GRB14: variants seen among roughly 807,000 people sequenced by gnomAD.
The protein encoded by GRB14 is growth factor receptor-bound protein 14.
GRB14 carries 38 observed loss-of-function variants against 69.1 expected under a neutral mutation model. The ratio of observed to expected loss-of-function variants is 0.55; its 90% CI spans 0.42 to 0.72. GRB14 has a LOEUF of 0.72. Among genes scored for constraint, GRB14 ranks in the 30% least tolerant of loss-of-function variants. The pLI is 0.00. For missense variants in GRB14, 666 were observed against 666.1 expected, an observed-to-expected ratio of 1.00 and a Z score of 0.00; for synonymous variants, 247 against 241.3, an observed-to-expected ratio of 1.02 and a Z score of -0.22.
intron 2 of GRB14, among the ~76,000 whole-genome samples, chr2:164,613,635 G>A (rs1158321155): frequency 6.6e-6 from 1 of 152,220 alleles, no homozygotes; most frequent in Non-Finnish European, 1.5e-5. Context: ...TGGTATGTTT[G>A]TGGGAGAACA....
Position 164,621,107 on chromosome 2 carries a change from A to G in GRB14, c.191+12T>C. 1 of 1,245,994 alleles carries G rather than the reference A, an allele frequency of 8.0e-7. No individual in the cohort carries two copies. Among genetic ancestry groups the G allele is most frequent in the Non-Finnish European group, 1.0e-6 (1 of 988,338 alleles). The allele number at this position is 1,245,994 out of a possible 1,614,324, so 77.2% of individuals were successfully genotyped here. A position where few individuals can be genotyped will look rare whatever the true frequency, so the allele number is the denominator to read the frequency against. On this transcript the variant is annotated intron_variant, in intron 1 of 13. Transcript: ENST00000263915. This position sits in a 1 kb window ranked among gnomAD's most constrained non-coding sequence, Gnocchi z 6.0. The stretch of plus-strand genomic sequence containing the variant: ...GCCAGGACACTCCCCCGCGCCCTCC[A>G]GGGTTGCCTACCTGTCTGCAGCACA...
intron 3 of GRB14, among the ~76,000 whole-genome samples, chr2:164,527,865 AT>A (rs1331076317): frequency 6.6e-6 from 1 of 152,050 alleles, no homozygotes; most frequent in Non-Finnish European, 1.5e-5. Flanking sequence ...CGAAATTCCT[AT>A]TTTTATAAGA....
At chr2:164,569,347 T>C (rs1186782866) in intron 2 of GRB14, among the ~76,000 whole-genome samples, 1 of 152,068 alleles carries the variant, frequency 6.6e-6, no homozygotes, top group African/African-American at 2.4e-5. Context: ...AAATAAAAAA[T>C]GAAAGAAACA....
Position 164,509,668 on chromosome 2 carries a change from A to G in GRB14, c.817-816T>C, listed in dbSNP as rs183843063. On this transcript the variant is annotated intron_variant, in intron 6 of 13. Coordinates refer to ENST00000263915, the MANE Select transcript of GRB14 (RefSeq NM_004490.3). ...AGTGTGGTCTCAGACCAGCAGCATC[A>G]GTATCACCTGGGAGCTTGTTAGCAA... is the stretch of plus-strand genomic sequence containing the variant. Among the ~76,000 whole-genome samples, 12 of 152,174 alleles carry G rather than the reference A, an allele frequency of 7.9e-5. No individual in the cohort carries two copies. The East Asian group carries it at 2.3e-3, about 29-fold the overall frequency.
intron 2 of GRB14, among the ~76,000 whole-genome samples, chr2:164,556,954 G>A (rs1296722216): frequency 6.6e-6 from 1 of 152,124 alleles, no homozygotes; most frequent in East Asian, 1.9e-4. Flanking sequence ...AAATGGTAGT[G>A]TTGACACCTC....
chr2:164,519,010 A>G (rs566549317), intron 6 of GRB14, among the ~76,000 whole-genome samples: 1 of 152,304 alleles, frequency 6.6e-6, no homozygotes, highest in Non-Finnish European at 1.5e-5. Flanking sequence ...AATCACCCCT[A>G]TATCATTCTA....
In GRB14 at chr2:164,508,415, C is replaced by A. The variant is rs773758338; in HGVS notation, c.1023+40G>T. 5 of 1,487,318 alleles carry A rather than the reference C, an allele frequency of 3.4e-6. No homozygotes were observed. In the East Asian group the frequency reaches 9.1e-5, roughly 27 times the overall value. 92.1% of individuals were successfully genotyped at this position (1,487,318 alleles called of 1,614,324 possible). On this transcript the variant is annotated intron_variant, in intron 8 of 13. Transcript: ENST00000263915. ...GATATTTTCTAACTTTTATGGTACT[C>A]ACAGCAGTTAATAGAAATTCATGCC...
intron 3 of GRB14, among the ~76,000 whole-genome samples, chr2:164,532,080 G>A (rs1029222478): frequency 2.6e-5 from 4 of 152,132 alleles, no homozygotes; most frequent in Non-Finnish European, 5.9e-5. Flanking sequence ...GACAACAGTT[G>A]GATAAAAGTT....
rs983992635 is a variant in GRB14, at chr2:164,522,911, C to T, written c.679-794G>A. On this transcript the variant is annotated intron_variant, in intron 5 of 13. Coordinates refer to ENST00000263915, the MANE Select transcript of GRB14 (RefSeq NM_004490.3). ...CCCTTTGCCAATTCTAGGTGTGGCC[C>T]TTAACTAGCCTGGTGATTTTCGTGA... Among the ~76,000 whole-genome samples, 19 of 152,156 alleles carry T rather than the reference C, an allele frequency of 1.2e-4. No individual in the cohort carries two copies. In the East Asian group the frequency reaches 3.5e-3, roughly 28 times the overall value.
At chr2:164,554,883 A>G (rs1321744656) in intron 2 of GRB14, among the ~76,000 whole-genome samples, 1 of 152,030 alleles carries the variant, frequency 6.6e-6, no homozygotes, top group East Asian at 1.9e-4. Context: ...AGAATACTAG[A>G]TGCAACAATG....
intron 6 of GRB14, among the ~76,000 whole-genome samples, chr2:164,516,123 G>A (rs1687478854): frequency 6.6e-6 from 1 of 152,018 alleles, no homozygotes; most frequent in African/African-American, 2.4e-5. Flanking sequence ...AAAGAAATCT[G>A]AAAGTTTGGA....
intron 2 of GRB14, among the ~76,000 whole-genome samples, chr2:164,603,290 G>A (rs902040189): frequency 1.3e-5 from 2 of 152,172 alleles, no homozygotes; most frequent in East Asian, 3.9e-4. Context: ...GATGGTCATT[G>A]GATAAAAAAT....
At chr2:164,579,033 TA>T (rs764884925) in intron 2 of GRB14, among the ~76,000 whole-genome samples, 4 of 151,018 alleles carry the variant, frequency 2.6e-5, no homozygotes, top group African/African-American at 4.9e-5. Flanking sequence ...GTGTCCAATT[TA>T]AAAAAAAACA....
chr2:164,525,456 G>A (rs1433237855), intron 4 of GRB14, among the ~76,000 whole-genome samples: 1 of 152,106 alleles, frequency 6.6e-6, no homozygotes, highest in African/African-American at 2.4e-5. Context: ...CAGAAGTACA[G>A]AGTTTAGGGT....
chr2:164,621,354 T>C lies in GRB14; in HGVS notation c.-45A>G, dbSNP rs1458535478. The C allele has an allele frequency of 4.8e-6, 6 of 1,255,884 alleles. No individual in the cohort carries two copies. Among genetic ancestry groups the C allele is most frequent in the Non-Finnish European group, 6.0e-6 (6 of 998,370 alleles). The allele number at this position is 1,255,884 out of a possible 1,614,324, so 77.8% of individuals were successfully genotyped here. A position where few individuals can be genotyped will look rare whatever the true frequency, so the allele number is the denominator to read the frequency against. Reference sequence around the variant, plus strand: ...CGGGCGTCATGGGAGACTCGGCGCGTGGGGAGAAGGGGTTTGCGCGGCGGG... The same window carrying C: ...CGGGCGTCATGGGAGACTCGGCGCGCGGGGAGAAGGGGTTTGCGCGGCGGG... On this transcript the variant is annotated 5_prime_UTR_variant, in exon 1 of 14. Transcript: ENST00000263915. The surrounding 1 kb of genome is among the most constrained non-coding windows in gnomAD (Gnocchi z 6.0).
At chr2:164,528,250 A>C (rs1298299010) in intron 3 of GRB14, among the ~76,000 whole-genome samples, 4 of 152,056 alleles carry the variant, frequency 2.6e-5, no homozygotes, top group Non-Finnish European at 5.9e-5. Context: ...AATATCTGAG[A>C]GTCCATTGAG....
In GRB14 at chr2:164,579,537, A is replaced by ACT. The variant is rs1451188088; in HGVS notation, c.325-31723_325-31722dup. ...CACACACACACACACACACACACAC[A>ACT]CTTACTCACACTGGGACCATTTAGA... On this transcript the variant is annotated intron_variant, in intron 2 of 13. Coordinates refer to ENST00000263915, the MANE Select transcript of GRB14 (RefSeq NM_004490.3). Among the ~76,000 whole-genome samples, 4 of 115,928 alleles carry ACT rather than the reference A, an allele frequency of 3.5e-5. No individual in the cohort carries two copies. In the East Asian group the frequency reaches 5.9e-4, roughly 17 times the overall value. 76.1% of individuals were successfully genotyped at this position (115,928 alleles called of 152,430 possible).
chr2:164,621,464 G>A lies in GRB14; in HGVS notation c.-155C>T. 4.6e-6 allele frequency: 2 copies of A among 430,802 alleles called. No homozygotes were observed. The highest frequency in any genetic ancestry group is 7.6e-6 in the Non-Finnish European group (2 of 261,888). The allele number at this position is 430,802 out of a possible 1,614,324, so 26.7% of individuals were successfully genotyped here. A position where few individuals can be genotyped will look rare whatever the true frequency, so the allele number is the denominator to read the frequency against. On this transcript the variant is annotated 5_prime_UTR_variant, in exon 1 of 14. Transcript: ENST00000263915. The surrounding 1 kb of genome is among the most constrained non-coding windows in gnomAD (Gnocchi z 6.0). ...CGCTCGGGGCCCCGGCGGCTGAGAC[G>A]CGCGGCCGAGCTATCTGCGAGGCGG...
chr2:164,503,716 A>G (rs925863214), intron 8 of GRB14, among the ~76,000 whole-genome samples: 3 of 152,200 alleles, frequency 2.0e-5, no homozygotes, highest in African/African-American at 4.8e-5. Flanking sequence ...TTCCTAGTCA[A>G]ATTCATTTTG....
Sources: gnomAD v4.1 joint callset for allele counts (sites outside exome capture counted in the v4.1 genomes callset) on GRCh38, gnomAD v4.1.1 for gene constraint, Gnocchi (gnomAD v3.1) non-coding constraint, MANE v1.5 for transcripts, NCBI Gene and HGNC (gene_info 2026-07-23, HGNC 2026-07-21) for gene names.